Variants in FOXN3 observed in about 807,000 individuals in gnomAD.
FOXN3 encodes forkhead box protein N3.
FOXN3 carries 7 observed loss-of-function variants against 38.4 expected under a neutral mutation model. The observed-to-expected ratio is 0.18, with a 90% CI of 0.10 to 0.34. The LOEUF (loss-of-function observed/expected upper bound fraction) is 0.34. Ranked by LOEUF, FOXN3 falls within the 10% of genes least tolerant of loss-of-function variation. The probability of loss-of-function intolerance (pLI) is 1.00; values close to 1 mark genes in which losing one functional copy is unlikely to be tolerated. For synonymous variants in FOXN3, 230 were observed against 242.2 expected (o/e 0.95, Z 0.47); for missense variants, 456 against 613.4 (o/e 0.74, Z 2.71).
intron 4 of FOXN3, among the ~76,000 whole-genome samples, chr14:89,248,772 T>C (rs1885369428): frequency 6.6e-6 from 1 of 152,236 alleles, no homozygotes; most frequent in African/African-American, 2.4e-5. Flanking sequence ...AAAACTTCAA[T>C]TAAGTAAATC....
intron 4 of FOXN3, among the ~76,000 whole-genome samples, chr14:89,182,203 A>G (rs536838365): frequency 6.6e-6 from 1 of 152,364 alleles, no homozygotes; most frequent in East Asian, 1.9e-4. Context: ...TTTTACTTAC[A>G]TAATTTTTAG....
At chr14:89,612,977 C>T (rs568363213) in intron 1 of FOXN3, among the ~76,000 whole-genome samples, 10 of 151,640 alleles carry the variant, frequency 6.6e-5, no homozygotes, top group Middle Eastern at 3.4e-3. Flanking sequence ...ATTAGCCAGG[C>T]GTGGTGGCAC....
At chr14:89,321,359 C>T (rs150956163) in intron 3 of FOXN3, among the ~76,000 whole-genome samples, 336 of 152,016 alleles carry the variant, frequency 2.2e-3, no homozygotes, top group African/African-American at 7.7e-3. Context: ...GGGTGGATCA[C>T]GAGGTTGGGA....
intron 3 of FOXN3, among the ~76,000 whole-genome samples, chr14:89,343,724 C>CAAA (rs202042499): frequency 2.3e-4 from 24 of 104,138 alleles, no homozygotes; most frequent in South Asian, 4.2e-4. Context: ...GAATTTATTC[C>CAAA]AAAAAAAAAA....
chr14:89,266,635 A>C (rs1359824545), intron 4 of FOXN3, among the ~76,000 whole-genome samples: 10 of 152,204 alleles, frequency 6.6e-5, no homozygotes, highest in Admixed American at 6.5e-4. Flanking sequence ...AGGAGATTAC[A>C]GTCTGGCTGG....
At chr14:89,299,444 A>G (rs1206449756) in intron 3 of FOXN3, among the ~76,000 whole-genome samples, 1 of 152,240 alleles carries the variant, frequency 6.6e-6, no homozygotes, top group Non-Finnish European at 1.5e-5. Flanking sequence ...CTTTATCAGC[A>G]GCATGAGAAC....
intron 1 of FOXN3, among the ~76,000 whole-genome samples, chr14:89,425,447 G>A (rs1596267854): frequency 6.6e-6 from 1 of 151,162 alleles, no homozygotes; most frequent in Non-Finnish European, 1.5e-5. Context: ...GGCTCACCGC[G>A]ACCTCTGCCT....
intron 3 of FOXN3, among the ~76,000 whole-genome samples, chr14:89,325,661 C>T (rs1037561002): frequency 1.3e-5 from 2 of 152,142 alleles, no homozygotes; most frequent in Non-Finnish European, 2.9e-5. Flanking sequence ...TAGACACTAC[C>T]CATTGTGGGT....
chr14:89,566,971 GA>G (rs1343053318), intron 1 of FOXN3, among the ~76,000 whole-genome samples: 1 of 151,818 alleles, frequency 6.6e-6, no homozygotes, highest in Non-Finnish European at 1.5e-5. Flanking sequence ...GTGGGGAGGA[GA>G]AAAGGAGGAA....
chr14:89,373,606 A>G (rs1890387745), intron 2 of FOXN3, among the ~76,000 whole-genome samples: 1 of 152,164 alleles, frequency 6.6e-6, no homozygotes, highest in African/African-American at 2.4e-5. Flanking sequence ...ATGCCCTCTA[A>G]CTAATACGTT....
At chr14:89,334,084 T>C (rs1429058953) in intron 3 of FOXN3, among the ~76,000 whole-genome samples, 4 of 148,658 alleles carry the variant, frequency 2.7e-5, no homozygotes, top group African/African-American at 9.9e-5. Flanking sequence ...AAGAAGGAAA[T>C]CCTGCCATTT....
chr14:89,310,627 G>A (rs1282924076), intron 3 of FOXN3, among the ~76,000 whole-genome samples: 3 of 152,188 alleles, frequency 2.0e-5, no homozygotes, highest in Non-Finnish European at 4.4e-5. Context: ...AATTATTACA[G>A]ACAAGGATGA....
At chr14:89,291,106 C>T (rs559292242) in intron 3 of FOXN3, 4 of 513,010 alleles carry the variant, frequency 7.8e-6, no homozygotes, top group South Asian at 5.7e-5. Flanking sequence ...CCCTTTAAGA[C>T]CCTGTTAGTG....
chr14:89,463,780 CTCTCT>C (rs1892908718), intron 1 of FOXN3, among the ~76,000 whole-genome samples: 2 of 128,206 alleles, frequency 1.6e-5, no homozygotes, highest in South Asian at 2.9e-4. Flanking sequence ...AGTGGTCTCT[CTCTCT>C]TTTTTTTTTT....
chr14:89,375,563 C>T (rs180750980), intron 2 of FOXN3, among the ~76,000 whole-genome samples: 81 of 152,150 alleles, frequency 5.3e-4, no homozygotes, highest in East Asian at 9.6e-4. Flanking sequence ...CTATTTTATG[C>T]ACATTATAGA....
intron 5 of FOXN3, among the ~76,000 whole-genome samples, chr14:89,166,526 C>T (rs781559412): frequency 1.6e-4 from 25 of 152,094 alleles, no homozygotes; most frequent in Non-Finnish European, 1.8e-4. Context: ...TGGGGTGGCC[C>T]GGACAGTCTC....
chr14:89,384,022 G>T (rs1416412650), intron 2 of FOXN3, among the ~76,000 whole-genome samples: 1 of 142,822 alleles, frequency 7.0e-6, no homozygotes, highest in Non-Finnish European at 1.5e-5. Context: ...TGAATTTGGT[G>T]GGGGGGGACA....
chr14:89,448,773 TA>T (rs376561986), intron 1 of FOXN3, among the ~76,000 whole-genome samples: 10 of 146,844 alleles, frequency 6.8e-5, no homozygotes, highest in African/African-American at 1.2e-4. Flanking sequence ...ACCCCATCTC[TA>T]AAAAAAAAAT....
intron 1 of FOXN3, among the ~76,000 whole-genome samples, chr14:89,612,652 G>A (rs1408299508): frequency 6.6e-6 from 1 of 151,820 alleles, no homozygotes; most frequent in Non-Finnish European, 1.5e-5. Flanking sequence ...AAATTAGCAG[G>A]GCATAGTGGT....
Sources: gnomAD v4.1 joint callset for allele counts (sites outside exome capture counted in the v4.1 genomes callset) on GRCh38, gnomAD v4.1.1 for gene constraint, MANE v1.5 for transcripts, NCBI Gene and HGNC (gene_info 2026-07-23, HGNC 2026-07-21) for gene names.